Variants in NT5E observed in about 807,000 individuals in gnomAD.
The protein encoded by NT5E is 5'-nucleotidase.
In NT5E, 53 loss-of-function variants were observed where a neutral mutation model predicts 55.1. The observed-to-expected ratio is 0.96, with a 90% CI of 0.77 to 1.21. NT5E has a LOEUF of 1.21. NT5E is among the 50% of genes most tolerant of loss of function. NT5E has a pLI of 0.00. For synonymous variants in NT5E, 270 were observed against 278.4 expected, an observed-to-expected ratio of 0.97 and a Z score of 0.30; for missense variants, 683 against 724.3, an observed-to-expected ratio of 0.94 and a Z score of 0.65.
At position 85,495,265 on chromosome 6, in the gene NT5E, C is replaced by T. The variant is rs1236346677; in HGVS notation, c.*1261C>T. ...AAGTGGGACCCTCTGAGTGGGTGGTCAGAAAATACCCATGCTGATGAAATG... is the reference window on the plus strand; with the variant it reads ...AAGTGGGACCCTCTGAGTGGGTGGTTAGAAAATACCCATGCTGATGAAATG... On this transcript the variant is annotated 3_prime_UTR_variant, in exon 9 of 9. Coordinates refer to ENST00000257770, the MANE Select transcript of NT5E (RefSeq NM_002526.4). 2.0e-5 allele frequency: 3 copies of T among 152,186 alleles called. No homozygotes were observed. The highest frequency in any genetic ancestry group is 4.4e-5 in the Non-Finnish European group (3 of 68,064). The allele number at this position is 152,186 out of a possible 1,614,324, so 9.4% of individuals were successfully genotyped here.
At chr6:85,458,986 A>T (rs952688616) in intron 1 of NT5E, among the ~76,000 whole-genome samples, 10 of 152,206 alleles carry the variant, frequency 6.6e-5, no homozygotes, top group Admixed American at 3.9e-4. Context: ...GACTGCAGGG[A>T]TGGAAGCCAA....
chr6:85,468,611 G>T (rs1769242003), intron 2 of NT5E, among the ~76,000 whole-genome samples: 1 of 152,212 alleles, frequency 6.6e-6, no homozygotes, highest in African/African-American at 2.4e-5. Flanking sequence ...GGAAGGTATA[G>T]GGGCCACAGT....
At chr6:85,464,882 G>A (rs1490993315) in intron 1 of NT5E, among the ~76,000 whole-genome samples, 2 of 152,126 alleles carry the variant, frequency 1.3e-5, no homozygotes, top group Non-Finnish European at 2.9e-5. Flanking sequence ...AGGGCTTCTG[G>A]CTTTATTGAC....
chr6:85,456,755 C>T (rs575166255), intron 1 of NT5E, among the ~76,000 whole-genome samples: 1 of 152,272 alleles, frequency 6.6e-6, no homozygotes, highest in African/African-American at 2.4e-5. Context: ...CCACGGGAAC[C>T]AGCTGCAAAA....
intron 3 of NT5E, among the ~76,000 whole-genome samples, chr6:85,479,813 G>A (rs1769508602): frequency 6.6e-6 from 1 of 152,140 alleles, no homozygotes; most frequent in African/African-American, 2.4e-5. Context: ...GATAGAACCA[G>A]AAGGTAGCTG....
chr6:85,461,217 C>G (rs1769092728), intron 1 of NT5E, among the ~76,000 whole-genome samples: 1 of 152,196 alleles, frequency 6.6e-6, no homozygotes, highest in African/African-American at 2.4e-5. Context: ...TTTGGTCCTT[C>G]AGCCCCTTAT....
intron 6 of NT5E, 108 bp from the exon 7 acceptor site, chr6:85,490,400 C>G (rs955019319): frequency 1.6e-6 from 2 of 1,277,564 alleles, no homozygotes; most frequent in Non-Finnish European, 2.3e-6. Context: ...GCTCTATAAG[C>G]TTCCCATGTC....
chr6:85,476,511 T>G (rs1024729106), intron 3 of NT5E, among the ~76,000 whole-genome samples: 1 of 152,174 alleles, frequency 6.6e-6, no homozygotes, highest in Non-Finnish European at 1.5e-5. Context: ...GCAGAGGGCA[T>G]GTGTTACAGT....
intron 1 of NT5E, among the ~76,000 whole-genome samples, chr6:85,458,811 G>A (rs533404829): frequency 4.7e-4 from 71 of 152,192 alleles, no homozygotes; most frequent in African/African-American, 1.5e-3. Flanking sequence ...GAGTTTGTAC[G>A]TCCCCCCTCC....
intron 2 of NT5E, among the ~76,000 whole-genome samples, chr6:85,470,567 C>T (rs145957151): frequency 9.0e-4 from 137 of 152,328 alleles, no homozygotes; most frequent in Admixed American, 2.5e-3. Flanking sequence ...TCTCCTGCCT[C>T]AGCCTTCCAA....
chr6:85,495,733 T>C lies in NT5E; in HGVS notation c.*1729T>C, dbSNP rs1170864779. ...TTGTGAAGTGGTATAAGAAATGACT[T>C]TGAACCACTTTGCAATTGTAGATTC... On this transcript the variant is annotated 3_prime_UTR_variant, in exon 9 of 9. Coordinates refer to ENST00000257770, the MANE Select transcript of NT5E (RefSeq NM_002526.4). 1 of 152,186 alleles carries C rather than the reference T, an allele frequency of 6.6e-6. No homozygotes were observed. The highest frequency in any genetic ancestry group is 1.9e-4 in the East Asian group (1 of 5,202). The allele number at this position is 152,186 out of a possible 1,614,324, so 9.4% of individuals were successfully genotyped here.
Position 85,477,424 on chromosome 6 carries a change from C to A in NT5E, c.751+5999C>A, listed in dbSNP as rs1294648577. 2.6e-5 allele frequency among the ~76,000 whole-genome samples: 4 copies of A among 151,906 alleles called. No individual in the cohort carries two copies. The East Asian group carries it at 5.8e-4, about 22-fold the overall frequency. ...ATAAAATTCAAAACTTTTCATGTAT[C>A]TAAAGAAATAATTTTAATGACCACA... On this transcript the variant is annotated intron_variant, in intron 3 of 8. Coordinates refer to ENST00000257770, the MANE Select transcript of NT5E (RefSeq NM_002526.4).
In NT5E at chr6:85,450,509, G is replaced by C. The variant is rs747861287; in HGVS notation, c.339+31G>C. 28 of 1,546,386 alleles carry C rather than the reference G, an allele frequency of 1.8e-5. No homozygotes were observed. The Admixed American group carries it at 1.9e-4, about 11-fold the overall frequency. ...ACCCGAGCCCGCGCCCGGGATAGTAGTCCCGGACTGAGAGAGGAGCCGGGC... is the reference window on the plus strand; with the variant it reads ...ACCCGAGCCCGCGCCCGGGATAGTACTCCCGGACTGAGAGAGGAGCCGGGC... On this transcript the variant is annotated intron_variant, in intron 1 of 8. Coordinates refer to ENST00000257770, the MANE Select transcript of NT5E (RefSeq NM_002526.4). The surrounding 1 kb of genome is among the most constrained non-coding windows in gnomAD (Gnocchi z 4.0).
rs981820491 is a variant in NT5E, at chr6:85,486,272, C to A, written c.949+840C>A. Reference sequence around the variant, plus strand: ...TTCTAACAGAGCCTTAGAACAGAAACACAGTCTTTCCATAACCTATGATTA... The same window carrying A: ...TTCTAACAGAGCCTTAGAACAGAAAAACAGTCTTTCCATAACCTATGATTA... On this transcript the variant is annotated intron_variant, in intron 4 of 8. Coordinates refer to ENST00000257770, the MANE Select transcript of NT5E (RefSeq NM_002526.4). 2.1e-4 allele frequency among the ~76,000 whole-genome samples: 32 copies of A among 152,152 alleles called. 1 individual carries two copies. Among genetic ancestry groups the A allele is most frequent in the Middle Eastern group, 3.2e-3 (1 of 316 alleles).
At position 85,455,993 on chromosome 6, in the gene NT5E, TC is replaced by T. The variant is rs368017312; in HGVS notation, c.339+5516del. Among the ~76,000 whole-genome samples the T allele has an allele frequency of 5.6e-3, 847 of 152,262 alleles. 7 individuals carry two copies. Among genetic ancestry groups the T allele is most frequent in the African/African-American group, 0.02 (818 of 41,544 alleles). ...TAGATAGCTTCGGGAAGGGGGCTGG[TC>T]GCCAGAAAGACTAATTTATGACTAG... On this transcript the variant is annotated intron_variant, in intron 1 of 8. Coordinates refer to ENST00000257770, the MANE Select transcript of NT5E (RefSeq NM_002526.4).
intron 3 of NT5E, among the ~76,000 whole-genome samples, chr6:85,478,026 C>G (rs946751954): frequency 1.7e-4 from 17 of 102,062 alleles, no homozygotes; most frequent in Non-Finnish European, 3.4e-4. Context: ...GACCTTGTCT[C>G]AAAAAAAAAA....
intron 2 of NT5E, among the ~76,000 whole-genome samples, chr6:85,468,942 G>GT (rs1562139266): frequency 6.6e-6 from 1 of 152,114 alleles, no homozygotes; most frequent in Non-Finnish European, 1.5e-5. Flanking sequence ...AGGGCCCAGT[G>GT]TGGGGGGAAA....
At position 85,493,827 on chromosome 6, in the gene NT5E, AT is replaced by A; in HGVS notation, c.1562-13del. 1.2e-6 allele frequency: 2 copies of A among 1,601,348 alleles called. No individual in the cohort carries two copies. The highest frequency in any genetic ancestry group is 1.7e-6 in the Non-Finnish European group (2 of 1,168,586). On this transcript the variant is annotated splice_polypyrimidine_tract_variant and intron_variant, in intron 8 of 8. Coordinates refer to ENST00000257770, the MANE Select transcript of NT5E (RefSeq NM_002526.4). The stretch of plus-strand genomic sequence containing the variant: ...ACCTTTTCTGTAGTTAAAATAATGT[AT>A]ATGTTTTTCTAGGTGACCAAGATAT...
At chr6:85,477,450 G>A (rs1306629539) in intron 3 of NT5E, among the ~76,000 whole-genome samples, 1 of 151,964 alleles carries the variant, frequency 6.6e-6, no homozygotes, top group Admixed American at 6.6e-5. Context: ...AATGACCACA[G>A]AATTTTGCTC....
Sources: allele counts gnomAD v4.1 joint callset (sites outside exome capture counted in the v4.1 genomes callset), GRCh38; gene constraint gnomAD v4.1.1; non-coding constraint Gnocchi (gnomAD v3.1); transcripts MANE v1.5; gene names NCBI Gene and HGNC (gene_info 2026-07-23, HGNC 2026-07-21).